FNDC1: variants seen among roughly 807,000 people sequenced by gnomAD.
The protein encoded by FNDC1 is fibronectin type III domain-containing protein 1.
In FNDC1, 96 loss-of-function variants were observed where a neutral mutation model predicts 168.0. The ratio of observed to expected loss-of-function variants is 0.57; its 90% CI spans 0.48 to 0.68. The LOEUF (loss-of-function observed/expected upper bound fraction) is 0.68. Ranked by LOEUF, FNDC1 falls within the 30% of genes least tolerant of loss-of-function variation. FNDC1 has a pLI of 0.00. For missense variants in FNDC1, 2,587 were observed against 2,482.1 expected, an observed-to-expected ratio of 1.04 and a Z score of -0.90; for synonymous variants, 1,099 against 1,025.9, an observed-to-expected ratio of 1.07 and a Z score of -1.36.
intron 1 of FNDC1, among the ~76,000 whole-genome samples, chr6:159,170,276 C>G (rs1781625869): frequency 2.0e-5 from 3 of 152,078 alleles, no homozygotes; most frequent in Admixed American, 2.0e-4. Context: ...GCCCGCGCGC[C>G]CGGGGGGAAC....
At chr6:159,215,612 A>T (rs1340413297) in intron 5 of FNDC1, among the ~76,000 whole-genome samples, 1 of 152,220 alleles carries the variant, frequency 6.6e-6, no homozygotes, top group Non-Finnish European at 1.5e-5. Flanking sequence ...GAATACACAC[A>T]CATATATAAA....
intron 4 of FNDC1, among the ~76,000 whole-genome samples, chr6:159,207,570 G>T (rs1224969771): frequency 6.6e-6 from 1 of 152,226 alleles, no homozygotes; most frequent in Non-Finnish European, 1.5e-5. Context: ...GAGAGGGGAA[G>T]CAGCTTTTGT....
chr6:159,266,021 C>T (rs1777585224), intron 20 of FNDC1, 63 bp from the exon 21 acceptor site: 8 of 1,570,030 alleles, frequency 5.1e-6, no homozygotes, highest in Non-Finnish European at 7.0e-6. Context: ...TTTCCTGGCA[C>T]TTTGTGTGAG....
intron 18 of FNDC1, among the ~76,000 whole-genome samples, chr6:159,260,885 G>A (rs1206022753): frequency 6.6e-6 from 1 of 152,228 alleles, no homozygotes; most frequent in Admixed American, 6.5e-5. Flanking sequence ...AGGCGAGTCT[G>A]CGCAGAGCAG....
In FNDC1 at chr6:159,169,563, C is replaced by CA; in HGVS notation, c.-32dup. On this transcript the variant is annotated 5_prime_UTR_variant, in exon 1 of 23. Transcript: ENST00000297267. This position sits in a 1 kb window ranked among gnomAD's most constrained non-coding sequence, Gnocchi z 6.8. ...CCGGCCAGCGCCCCCCTGCCAGCCGCAAGCACCCAGCCCCGGCCCACCCCG... is the reference window on the plus strand; with the variant it reads ...CCGGCCAGCGCCCCCCTGCCAGCCGCAAAGCACCCAGCCCCGGCCCACCCCG... The CA allele has an allele frequency of 1.2e-6, 1 of 830,620 alleles. No homozygotes were observed. Among genetic ancestry groups the CA allele is most frequent in the Non-Finnish European group, 1.5e-6 (1 of 664,854 alleles). 51.5% of individuals were successfully genotyped at this position (830,620 alleles called of 1,614,324 possible).
At chr6:159,264,114 G>C (rs545750168) in intron 19 of FNDC1, among the ~76,000 whole-genome samples, 2 of 152,256 alleles carry the variant, frequency 1.3e-5, no homozygotes, top group African/African-American at 4.8e-5. Context: ...CCTACTTGAA[G>C]TGTACATCTT....
intron 17 of FNDC1, among the ~76,000 whole-genome samples, chr6:159,256,219 C>T (rs1473952184): frequency 6.6e-6 from 1 of 152,142 alleles, no homozygotes; most frequent in African/African-American, 2.4e-5. Flanking sequence ...TTGTTTTTCT[C>T]TGTGTGATCA....
intron 18 of FNDC1, among the ~76,000 whole-genome samples, chr6:159,257,914 T>A (rs1035176089): frequency 6.6e-6 from 1 of 151,194 alleles, no homozygotes; most frequent in Non-Finnish European, 1.5e-5. Flanking sequence ...TCTTTTTTTT[T>A]TTTTTTTTTG....
At chr6:159,258,042 C>T (rs1777410726) in intron 18 of FNDC1, among the ~76,000 whole-genome samples, 1 of 152,018 alleles carries the variant, frequency 6.6e-6, no homozygotes, top group African/African-American at 2.4e-5. Context: ...AGCCTCCTGA[C>T]TCGCCGAGTC....
chr6:159,211,483 C>T (rs1782605299), intron 4 of FNDC1, among the ~76,000 whole-genome samples: 1 of 152,196 alleles, frequency 6.6e-6, no homozygotes, highest in African/African-American at 2.4e-5. Context: ...TGGCTATAGG[C>T]AACCTCATAT....
At chr6:159,191,941 G>A (rs1450382319) in intron 1 of FNDC1, among the ~76,000 whole-genome samples, 2 of 152,066 alleles carry the variant, frequency 1.3e-5, no homozygotes, top group Admixed American at 1.3e-4. Flanking sequence ...ATAAACCATA[G>A]CTCACTGCAT....
intron 4 of FNDC1, among the ~76,000 whole-genome samples, chr6:159,211,291 T>C (rs2114962828): frequency 6.6e-6 from 1 of 152,282 alleles, no homozygotes; most frequent in South Asian, 2.1e-4. Context: ...TTCAAGGCTG[T>C]AGATGGAGTG....
Position 159,251,374 on chromosome 6 carries a change from A to C in FNDC1, c.4907A>C (p.Gln1636Pro), listed in dbSNP as rs1403520118. ...CSLTDALDHFQVDSLDEIIPN... is the reference protein window; with the variant it reads ...CSLTDALDHFPVDSLDEIIPN... Reference sequence around the variant, plus strand: ...CTGACTGATGCACTGGATCACTTCCAAGTGGACAGCCTGGATGAAATCATC... The same window carrying C: ...CTGACTGATGCACTGGATCACTTCCCAGTGGACAGCCTGGATGAAATCATC... The change falls in exon 17 of 23, where the codon CAA becomes CCA. Residue 1636 changes from glutamine (Q) to proline (P), a missense_variant. Gln to Pro is a moderately conservative substitution (Grantham distance 76, BLOSUM62 -1). Transcript: ENST00000297267. 1.2e-6 allele frequency: 2 copies of C among 1,614,004 alleles called. No individual in the cohort carries two copies. The highest frequency in any genetic ancestry group is 1.7e-6 in the Non-Finnish European group (2 of 1,179,878).
At chr6:159,228,628 A>C (rs422470) in intron 9 of FNDC1, among the ~76,000 whole-genome samples, 58,260 of 151,702 alleles carry the variant, frequency 0.38, 14,318 homozygotes, top group East Asian at 0.73. Context: ...TAATTCTTGA[A>C]TTTTCTGTGA....
At chr6:159,182,423 A>C (rs1781899704) in intron 1 of FNDC1, among the ~76,000 whole-genome samples, 1 of 152,182 alleles carries the variant, frequency 6.6e-6, no homozygotes, top group Non-Finnish European at 1.5e-5. Context: ...GCAGTGAGTG[A>C]CCCAGGGCTT....
chr6:159,214,103 G>A (rs1317401508), intron 4 of FNDC1, among the ~76,000 whole-genome samples: 1 of 152,220 alleles, frequency 6.6e-6, no homozygotes. Context: ...TTAAAGAGGT[G>A]CTCCTTAGCC....
intron 4 of FNDC1, among the ~76,000 whole-genome samples, chr6:159,204,815 C>G (rs981731189): frequency 2.0e-5 from 3 of 152,220 alleles, no homozygotes; most frequent in Admixed American, 6.5e-5. Context: ...CCTGATTGTC[C>G]TCACACAGTT....
intron 8 of FNDC1, among the ~76,000 whole-genome samples, 200 bp from the exon 9 acceptor site, chr6:159,226,273 A>T (rs1782953660): frequency 6.6e-6 from 1 of 152,188 alleles, no homozygotes; most frequent in Non-Finnish European, 1.5e-5. Flanking sequence ...ATAGGTCTAA[A>T]CTCACTAAAT....
chr6:159,258,011 T>G (rs921132277), intron 18 of FNDC1, among the ~76,000 whole-genome samples: 1 of 151,258 alleles, frequency 6.6e-6, no homozygotes, highest in African/African-American at 2.4e-5. Context: ...ACAGAGCTAC[T>G]TACAACAGAA....
Sources: allele counts gnomAD v4.1 joint callset (sites outside exome capture counted in the v4.1 genomes callset), GRCh38; gene constraint gnomAD v4.1.1; non-coding constraint Gnocchi (gnomAD v3.1); transcripts MANE v1.5; gene names NCBI Gene and HGNC (gene_info 2026-07-23, HGNC 2026-07-21).